PIEZO2: variants seen among roughly 807,000 people sequenced by gnomAD.
The protein encoded by PIEZO2 is piezo type mechanosensitive ion channel component 2.
In PIEZO2, 172 loss-of-function variants were observed where a neutral mutation model predicts 337.3. That is an observed-to-expected ratio of 0.51 (90% CI 0.45 to 0.58). The LOEUF (loss-of-function observed/expected upper bound fraction) is 0.58. Among genes scored for constraint, PIEZO2 ranks in the 20% least tolerant of loss-of-function variants. The pLI is 0.00. For synonymous variants in PIEZO2, 1,251 were observed against 1,228.5 expected (o/e 1.02, Z -0.38); for missense variants, 3,028 against 3,391.3 (o/e 0.89, Z 2.66).
chr18:10,779,427 A>G (rs1477645078), intron 18 of PIEZO2, among the ~76,000 whole-genome samples: 2 of 152,236 alleles, frequency 1.3e-5, no homozygotes, highest in Non-Finnish European at 2.9e-5. Flanking sequence ...TTAGATCCCA[A>G]AGGATAACTC....
chr18:10,742,014 G>A (rs1403726770), intron 32 of PIEZO2, among the ~76,000 whole-genome samples: 1 of 152,078 alleles, frequency 6.6e-6, no homozygotes, highest in African/African-American at 2.4e-5. Flanking sequence ...AATTAGCCGG[G>A]CGTGGTGGCG....
chr18:10,776,266 G>GA (rs2038782217), intron 18 of PIEZO2, among the ~76,000 whole-genome samples: 2 of 152,112 alleles, frequency 1.3e-5, no homozygotes, highest in Non-Finnish European at 2.9e-5. Context: ...TCGGTTAGCT[G>GA]AAACAGTAGT....
intron 12 of PIEZO2, among the ~76,000 whole-genome samples, chr18:10,797,026 T>A (rs1420379864): frequency 6.6e-6 from 1 of 151,906 alleles, no homozygotes; most frequent in African/African-American, 2.4e-5. Flanking sequence ...TACCATCATA[T>A]CATATCTTAC....
Position 10,770,129 on chromosome 18 carries a change from A to G in PIEZO2, c.2946+19T>C, listed in dbSNP as rs1158487234. The G allele has an allele frequency of 3.3e-6, 5 of 1,536,450 alleles. No homozygotes were observed. In the African/African-American group the frequency reaches 5.5e-5, roughly 17 times the overall value. On this transcript the variant is annotated intron_variant, in intron 21 of 55. Coordinates refer to ENST00000674853, the MANE Select transcript of PIEZO2 (RefSeq NM_001378183.1). ...CTGTGGTTCTGTTCAGCCTGATGAT[A>G]GGACAAATGTTCACTTGCCTCTTTC...
At chr18:10,887,979 T>C (rs1294426731) in intron 4 of PIEZO2, among the ~76,000 whole-genome samples, 1 of 152,194 alleles carries the variant, frequency 6.6e-6, no homozygotes, top group Non-Finnish European at 1.5e-5. Context: ...TGTATGTGAT[T>C]TGAACTTTGT....
chr18:11,036,574 A>C (rs2036930393), intron 2 of PIEZO2, among the ~76,000 whole-genome samples: 1 of 151,748 alleles, frequency 6.6e-6, no homozygotes, highest in African/African-American at 2.4e-5. Context: ...ATAAATAAAG[A>C]AATCAAATAT....
chr18:11,022,740 T>C (rs117676161), intron 2 of PIEZO2, among the ~76,000 whole-genome samples: 49 of 152,326 alleles, frequency 3.2e-4, no homozygotes, highest in Admixed American at 2.0e-3. Flanking sequence ...TAAAATACTA[T>C]GACCTTACAT....
At chr18:10,812,421 C>T (rs1298572546) in intron 7 of PIEZO2, among the ~76,000 whole-genome samples, 2 of 152,116 alleles carry the variant, frequency 1.3e-5, no homozygotes, top group Non-Finnish European at 2.9e-5. Context: ...AAACACTCAT[C>T]GGGTACTATA....
rs767619168 is a variant in PIEZO2 at position 10,762,606 on chromosome 18, T to C, written c.3143A>G (p.Asn1048Ser). The C allele has an allele frequency of 1.3e-6, 2 of 1,537,054 alleles. No individual in the cohort carries two copies. Among genetic ancestry groups the C allele is most frequent in the Non-Finnish European group, 1.7e-6 (2 of 1,146,810 alleles). The change falls in exon 23 of 56, where the codon AAC becomes AGC. Residue 1048 changes from asparagine (N) to serine (S), a missense_variant. Around this residue, in one of 5 missense-constraint regions of PIEZO2, gnomAD observed 1,925 missense variants for 2,051.9 expected, o/e 0.94. Coordinates refer to ENST00000674853, the MANE Select transcript of PIEZO2 (RefSeq NM_001378183.1). ...CTTGTTCAACTCATTAAAGGGGATGTTTGTTTGATTTTCATTTGGCTAAAA... is the reference window on the plus strand; with the variant it reads ...CTTGTTCAACTCATTAAAGGGGATGCTTGTTTGATTTTCATTTGGCTAAAA... ...NCSLPNENQT[N>S]IPFNELNKSL...
chr18:10,931,652 C>A (rs1022874644), intron 3 of PIEZO2, among the ~76,000 whole-genome samples: 5 of 151,980 alleles, frequency 3.3e-5, no homozygotes, highest in South Asian at 2.1e-4. Flanking sequence ...TTCAGGACTT[C>A]TTTCTGTTCT....
rs1206008460 is a variant in PIEZO2, at chr18:10,720,415, GTATGTATA to G, written c.5030-2164_5030-2157del. On this transcript the variant is annotated intron_variant, in intron 36 of 55. Coordinates refer to ENST00000674853, the MANE Select transcript of PIEZO2 (RefSeq NM_001378183.1). Reference sequence around the variant, plus strand: ...TGTGTGTGTGTGTGTATGTGTATGTGTATGTATATATATATATATATATATATATATAT... The same window carrying G: ...TGTGTGTGTGTGTGTATGTGTATGTGTATATATATATATATATATATATAT... 9.5e-3 allele frequency among the ~76,000 whole-genome samples: 377 copies of G among 39,882 alleles called. 22 individuals are homozygous for G. The highest frequency in any genetic ancestry group is 0.015 in the Non-Finnish European group (253 of 16,952). The allele number at this position is 39,882 out of a possible 152,430, so 26.2% of individuals were successfully genotyped here. A position where few individuals can be genotyped will look rare whatever the true frequency, so the allele number is the denominator to read the frequency against.
intron 3 of PIEZO2, among the ~76,000 whole-genome samples, chr18:10,921,027 T>C (rs2031358274): frequency 6.6e-6 from 1 of 152,156 alleles, no homozygotes; most frequent in Non-Finnish European, 1.5e-5. Flanking sequence ...GACTCCAGCC[T>C]GGGCAACAAG....
chr18:10,815,848 A>G lies in PIEZO2; in HGVS notation c.918-8574T>C, dbSNP rs2040347945. The stretch of plus-strand genomic sequence containing the variant: ...GTTCCAAATTTCTACCCAGTTATAC[A>G]GCTCATGAGGTGGAGGCCTAGGTGA... On this transcript the variant is annotated intron_variant, in intron 7 of 55. Coordinates refer to ENST00000674853, the MANE Select transcript of PIEZO2 (RefSeq NM_001378183.1). This position sits in a 1 kb window ranked among gnomAD's most constrained non-coding sequence, Gnocchi z 4.1. Among the ~76,000 whole-genome samples the G allele has an allele frequency of 1.3e-5, 2 of 152,208 alleles. No homozygotes were observed.
chr18:10,758,033 A>G lies in PIEZO2; in HGVS notation c.3859T>C (p.Cys1287Arg). The change falls in exon 27 of 56, where the codon TGC becomes CGC. Residue 1287 changes from cysteine to arginine, a missense_variant. This residue lies in a region of PIEZO2 where 1,925 missense variants were observed against 2,051.9 expected (regional missense o/e 0.94). Coordinates refer to ENST00000674853, the MANE Select transcript of PIEZO2 (RefSeq NM_001378183.1). ...RIMAGDNVEICMNLDAASFSQ... is the reference protein window; with the variant it reads ...RIMAGDNVEIRMNLDAASFSQ... ...AAGGAGGCCGCATCAAGGTTCATGCAGATCTCGACATTGTCACCTGCCATG... is the reference window on the plus strand; with the variant it reads ...AAGGAGGCCGCATCAAGGTTCATGCGGATCTCGACATTGTCACCTGCCATG... The G allele has an allele frequency of 6.5e-7, 1 of 1,537,172 alleles. No homozygotes were observed. Among genetic ancestry groups the G allele is most frequent in the Non-Finnish European group, 8.7e-7 (1 of 1,146,776 alleles).
In PIEZO2 at chr18:10,980,558, G is replaced by C. The variant is rs982938098; in HGVS notation, c.161-898C>G. 7.9e-5 allele frequency among the ~76,000 whole-genome samples: 12 copies of C among 152,094 alleles called. No individual in the cohort carries two copies. The highest frequency in any genetic ancestry group is 2.6e-4 in the Admixed American group (4 of 15,260). On this transcript the variant is annotated intron_variant, in intron 2 of 55. Transcript: ENST00000674853. This position sits in a 1 kb window ranked among gnomAD's most constrained non-coding sequence, Gnocchi z 4.8. ...GAGATACAATGAAGATTGTTAACTA[G>C]ACTTATTTGCAGATAATATGATCAA...
In PIEZO2 at chr18:10,758,450, G is replaced by T. The variant is rs534206355; in HGVS notation, c.3758-316C>A. 2.7e-3 allele frequency among the ~76,000 whole-genome samples: 406 copies of T among 151,806 alleles called. 3 individuals carry two copies. The highest frequency in any genetic ancestry group is 9.1e-3 in the African/African-American group (378 of 41,402). On this transcript the variant is annotated intron_variant, in intron 26 of 55. Coordinates refer to ENST00000674853, the MANE Select transcript of PIEZO2 (RefSeq NM_001378183.1). ...GAGTCTCTTAGAGGGTAACATTTTT[G>T]TGTGTGTGTGTGTGAGACAGAGTCT...
Position 10,759,997 on chromosome 18 carries a change from G to A in PIEZO2, c.3451-88C>T, listed in dbSNP as rs1310291991. 21 of 1,174,706 alleles carry A rather than the reference G, an allele frequency of 1.8e-5. No homozygotes were observed. The highest frequency in any genetic ancestry group is 5.1e-5 in the East Asian group (2 of 38,956). The allele number at this position is 1,174,706 out of a possible 1,614,324, so 72.8% of individuals were successfully genotyped here. ...TAGGTGTCAGGTCTGTGTAGATGGC[G>A]GAGACCCATGTCCCTCAGGGCAAGT... On this transcript the variant is annotated intron_variant, in intron 24 of 55. Transcript: ENST00000674853. This position sits in a 1 kb window ranked among gnomAD's most constrained non-coding sequence, Gnocchi z 5.5.
At chr18:11,000,115 A>C (rs1234373078) in intron 2 of PIEZO2, among the ~76,000 whole-genome samples, 1 of 152,218 alleles carries the variant, frequency 6.6e-6, no homozygotes, top group African/African-American at 2.4e-5. Context: ...ATCACAGGGA[A>C]GCACTCTGGG....
In PIEZO2 at chr18:11,028,620, C is replaced by T. The variant is rs934375407; in HGVS notation, c.160+37507G>A. Among the ~76,000 whole-genome samples the T allele has an allele frequency of 6.6e-6, 1 of 152,160 alleles. No individual in the cohort carries two copies. The highest frequency in any genetic ancestry group is 2.4e-5 in the African/African-American group (1 of 41,426). On this transcript the variant is annotated intron_variant, in intron 2 of 55. Transcript: ENST00000674853. This position sits in a 1 kb window ranked among gnomAD's most constrained non-coding sequence, Gnocchi z 4.8. ...TCCTTCAGCTTTATCTGAACACCCC[C>T]ATAACAATGTGTGACTAAGTGGAGT...
Sources: allele counts gnomAD v4.1 joint callset (sites outside exome capture counted in the v4.1 genomes callset), GRCh38; gene constraint gnomAD v4.1.1; regional missense constraint gnomAD v4.1.1; non-coding constraint Gnocchi (gnomAD v3.1); transcripts MANE v1.5; gene names NCBI Gene and HGNC (gene_info 2026-07-23, HGNC 2026-07-21).